Variants in ARID2 observed in about 807,000 individuals in gnomAD.
ARID2 encodes AT-rich interactive domain-containing protein 2.
In ARID2, 32 loss-of-function variants were observed where a neutral mutation model predicts 184.6. The ratio of observed to expected loss-of-function variants is 0.17; its 90% CI spans 0.13 to 0.23. ARID2 has a LOEUF of 0.23. Among genes scored for constraint, ARID2 ranks in the 10% least tolerant of loss-of-function variants. The pLI is 1.00. For missense variants in ARID2, 1,696 were observed against 2,197.6 expected, an observed-to-expected ratio of 0.77 and a Z score of 4.56; for synonymous variants, 836 against 772.6, an observed-to-expected ratio of 1.08 and a Z score of -1.36.
intron 3 of ARID2, among the ~76,000 whole-genome samples, chr12:45,758,293 C>T (rs1411775205): frequency 6.6e-6 from 1 of 152,180 alleles, no homozygotes; most frequent in Non-Finnish European, 1.5e-5. Context: ...GCTTGTCCAA[C>T]ATGCAGCCCC....
At chr12:45,771,808 T>G (rs1057200855) in intron 3 of ARID2, among the ~76,000 whole-genome samples, 2 of 152,078 alleles carry the variant, frequency 1.3e-5, no homozygotes, top group African/African-American at 2.4e-5. Context: ...GAAATGACTC[T>G]TGATGGTAAT....
intron 3 of ARID2, among the ~76,000 whole-genome samples, chr12:45,804,749 C>T (rs1012288929): frequency 2.6e-5 from 4 of 151,948 alleles, no homozygotes; most frequent in African/African-American, 9.7e-5. Flanking sequence ...ATCATCTAAA[C>T]CCCCACCTCC....
At chr12:45,901,819 G>A (rs1002669026) in intron 20 of ARID2, among the ~76,000 whole-genome samples, 2 of 151,982 alleles carry the variant, frequency 1.3e-5, no homozygotes, top group Non-Finnish European at 2.9e-5. Context: ...ATGCCACCAT[G>A]CCCAACAGTT....
In ARID2 at chr12:45,851,126, T is replaced by C; in HGVS notation, c.3003T>C (p.Pro1001=). Residue 1001 remains proline (P), a synonymous_variant, in exon 15 of 21, where the codon CCT becomes CCC. Coordinates refer to ENST00000334344, the MANE Select transcript of ARID2 (RefSeq NM_152641.4). ...SSTPQSQGPP[P]TVSQMLSVKR... ...CCCCTCAATCACAGGGACCACCTCC[T>C]ACTGTCAGTCAAATGTTATCTGTGA... 6.2e-7 allele frequency: 1 copy of C among 1,614,054 alleles called. No individual in the cohort carries two copies. The highest frequency in any genetic ancestry group is 1.3e-5 in the African/African-American group (1 of 75,000).
intron 3 of ARID2, among the ~76,000 whole-genome samples, chr12:45,738,462 G>A (rs1941174909): frequency 6.6e-6 from 1 of 151,950 alleles, no homozygotes; most frequent in Non-Finnish European, 1.5e-5. Context: ...TTACAGGCGT[G>A]TGCCACCATA....
intron 3 of ARID2, among the ~76,000 whole-genome samples, chr12:45,797,428 T>C (rs1043897539): frequency 6.6e-6 from 1 of 152,178 alleles, no homozygotes; most frequent in Non-Finnish European, 1.5e-5. Flanking sequence ...AGAGATGGGT[T>C]TCGCCATGTT....
chr12:45,887,630 G>A (rs1045477443), intron 16 of ARID2, among the ~76,000 whole-genome samples: 4 of 152,142 alleles, frequency 2.6e-5, no homozygotes, highest in Admixed American at 6.5e-5. Flanking sequence ...GGATGAGAAC[G>A]GAAAAGGAAA....
chr12:45,735,638 A>G (rs1022091691), intron 3 of ARID2, among the ~76,000 whole-genome samples: 2 of 152,156 alleles, frequency 1.3e-5, no homozygotes, highest in Non-Finnish European at 2.9e-5. Context: ...ATTTTAAAAA[A>G]CAAAAAACCT....
chr12:45,808,983 C>G (rs1942654159), intron 3 of ARID2, among the ~76,000 whole-genome samples: 1 of 152,076 alleles, frequency 6.6e-6, no homozygotes, highest in African/African-American at 2.4e-5. Flanking sequence ...CCATGCTGGC[C>G]TCGAACTCTT....
intron 4 of ARID2, among the ~76,000 whole-genome samples, chr12:45,816,967 C>T (rs1269837695): frequency 6.6e-6 from 1 of 152,128 alleles, no homozygotes; most frequent in Non-Finnish European, 1.5e-5. Flanking sequence ...ATACATCTGT[C>T]AAAACTTAGA....
chr12:45,839,609 C>T, intron 11 of ARID2, 113 bp downstream of exon 11: 1 of 1,244,192 alleles, frequency 8.0e-7, no homozygotes, highest in Non-Finnish European at 1.1e-6. Context: ...GTATAGTAGG[C>T]CAAAGTGGAA....
In ARID2 at chr12:45,851,967, G is replaced by A. The variant is rs2138174993; in HGVS notation, c.3844G>A (p.Asp1282Asn). 6.2e-7 allele frequency: 1 copy of A among 1,614,048 alleles called. No individual in the cohort carries two copies. The highest frequency in any genetic ancestry group is 8.5e-7 in the Non-Finnish European group (1 of 1,179,972). Residue 1282 changes from aspartate to asparagine, a missense_variant, in exon 15 of 21, where the codon GAT becomes AAT. Physicochemically the swap from Asp to Asn is conservative, Grantham distance 23 (BLOSUM62 1). This residue lies in a region of ARID2 where 428 missense variants were observed against 409.1 expected (regional missense o/e 1.05). Transcript: ENST00000334344. ...RRGATNTSNGDTKENEMHVGS... is the reference protein window; with the variant it reads ...RRGATNTSNGNTKENEMHVGS... Reference sequence around the variant, plus strand: ...AGGAGCCACAAACACCAGCAATGGGGATACAAAGGAAAATGAAATGCATGT... The same window carrying A: ...AGGAGCCACAAACACCAGCAATGGGAATACAAAGGAAAATGAAATGCATGT...
chr12:45,824,344 G>T (rs1337631970), intron 6 of ARID2, among the ~76,000 whole-genome samples: 2 of 151,868 alleles, frequency 1.3e-5, no homozygotes, highest in South Asian at 4.2e-4. Context: ...AAAACTGAAA[G>T]CTTTTCCTTG....
chr12:45,880,755 A>G (rs906521956), intron 16 of ARID2, among the ~76,000 whole-genome samples: 6 of 152,228 alleles, frequency 3.9e-5, no homozygotes, highest in African/African-American at 1.4e-4. Flanking sequence ...TTAAATACAT[A>G]AAACAGGAAG....
At chr12:45,733,686 T>G (rs1006139825) in intron 3 of ARID2, among the ~76,000 whole-genome samples, 1 of 152,242 alleles carries the variant, frequency 6.6e-6, no homozygotes, top group Admixed American at 6.5e-5. Flanking sequence ...TTATGATATA[T>G]CTTCATAATA....
chr12:45,738,725 G>T lies in ARID2; in HGVS notation c.284+7411G>T, dbSNP rs75331431. On this transcript the variant is annotated intron_variant, in intron 3 of 20. Transcript: ENST00000334344. ...TTCTTTTTTTATGTATAAAAGCAAG[G>T]GAAAAAATTCTTTATGCCACCCAAA... Among the ~76,000 whole-genome samples, 885 of 146,690 alleles carry T rather than the reference G, an allele frequency of 6.0e-3. 8 individuals are homozygous for T. Among genetic ancestry groups the T allele is most frequent in the African/African-American group, 0.021 (842 of 39,616 alleles).
rs1306721509 is a variant in ARID2 at position 45,852,818 on chromosome 12, A to T, written c.4695A>T (p.Val1565=). 3.7e-6 allele frequency: 6 copies of T among 1,613,970 alleles called. No homozygotes were observed. Among genetic ancestry groups the T allele is most frequent in the Non-Finnish European group, 5.1e-6 (6 of 1,179,944 alleles). The change falls in exon 15 of 21, where the codon GTA becomes GTT. Residue 1565 remains valine, a synonymous_variant. Coordinates refer to ENST00000334344, the MANE Select transcript of ARID2 (RefSeq NM_152641.4). ...AVPAGADPST[V]AKVAIESAVQ... Reference sequence around the variant, plus strand: ...CAGCAGGAGCAGATCCAAGCACTGTAGCTAAAGTAGCAATAGAAAGTGCTG... The same window carrying T: ...CAGCAGGAGCAGATCCAAGCACTGTTGCTAAAGTAGCAATAGAAAGTGCTG...
Position 45,905,751 on chromosome 12 carries a change from C to G in ARID2, c.*673C>G, listed in dbSNP as rs553077552. On this transcript the variant is annotated 3_prime_UTR_variant, in exon 21 of 21. Coordinates refer to ENST00000334344, the MANE Select transcript of ARID2 (RefSeq NM_152641.4). Reference sequence around the variant, plus strand: ...CCACTGCAGCCACTGGAAATACATTCTGTGGTGTCCTAGAAGCATTATTGG... The same window carrying G: ...CCACTGCAGCCACTGGAAATACATTGTGTGGTGTCCTAGAAGCATTATTGG... 4.3e-6 allele frequency: 1 copy of G among 232,780 alleles called. No homozygotes were observed. The highest frequency in any genetic ancestry group is 6.1e-5 in the East Asian group (1 of 16,398). 14.4% of individuals were successfully genotyped at this position (232,780 alleles called of 1,614,324 possible). A position where few individuals can be genotyped will look rare whatever the true frequency, so the allele number is the denominator to read the frequency against.
chr12:45,735,251 A>T (rs1406485104), intron 3 of ARID2, among the ~76,000 whole-genome samples: 1 of 152,164 alleles, frequency 6.6e-6, no homozygotes, highest in African/African-American at 2.4e-5. Context: ...TTTAAGAGAA[A>T]GCCTTAGGTA....
Sources: gnomAD v4.1 joint callset for allele counts (sites outside exome capture counted in the v4.1 genomes callset) on GRCh38, gnomAD v4.1.1 for gene constraint, gnomAD v4.1.1 regional missense constraint, MANE v1.5 for transcripts, NCBI Gene and HGNC (gene_info 2026-07-23, HGNC 2026-07-21) for gene names.